ERCC8: variants seen among roughly 807,000 people sequenced by gnomAD.
ERCC8 encodes the protein ERCC excision repair 8, CSA ubiquitin ligase complex subunit, also known as DNA excision repair protein ERCC-8.
In ERCC8, 52 loss-of-function variants were observed where a neutral mutation model predicts 54.9. The observed-to-expected ratio is 0.95, with a 90% CI of 0.76 to 1.19. The LOEUF is 1.19. Ranked by LOEUF, ERCC8 falls within the 50% of genes most tolerant of loss-of-function variation. The pLI is 0.00. For synonymous variants in ERCC8, 146 were observed against 157.2 expected (o/e 0.93, Z 0.53); for missense variants, 514 against 466.1 (o/e 1.10, Z -0.95).
intron 9 of ERCC8, among the ~76,000 whole-genome samples, chr5:60,896,796 G>A (rs1748736557): frequency 6.6e-6 from 1 of 152,132 alleles, no homozygotes; most frequent in Non-Finnish European, 1.5e-5. Flanking sequence ...TCACCTTCAA[G>A]AAGGAAAGAA....
intron 2 of ERCC8, among the ~76,000 whole-genome samples, chr5:60,926,580 T>A (rs28449887): frequency 6.6e-6 from 1 of 152,254 alleles, no homozygotes; most frequent in South Asian, 2.1e-4. Flanking sequence ...TTAGTTATTT[T>A]AAAAAATATT....
chr5:60,913,814 A>C (rs1749345806), intron 4 of ERCC8, among the ~76,000 whole-genome samples: 1 of 152,112 alleles, frequency 6.6e-6, no homozygotes, highest in Admixed American at 6.5e-5. Flanking sequence ...ATTGGTTTCA[A>C]AGAACATCTT....
At chr5:60,939,215 C>T (rs755984039) in intron 1 of ERCC8, among the ~76,000 whole-genome samples, 7 of 152,166 alleles carry the variant, frequency 4.6e-5, no homozygotes, top group East Asian at 3.9e-4. Context: ...AAAAAAATTT[C>T]GCAGCCATAT....
intron 4 of ERCC8, among the ~76,000 whole-genome samples, chr5:60,910,198 T>C (rs1470451172): frequency 1.3e-5 from 2 of 152,184 alleles, no homozygotes; most frequent in Non-Finnish European, 2.9e-5. Flanking sequence ...ATCAAATTAA[T>C]GTCATCAACG....
rs567130895 is a variant in ERCC8, at chr5:60,925,703, A to G, written c.173+3161T>C. Reference sequence around the variant, plus strand: ...TTCACAGTTTGGGGTTTGTAGGGATACTTCATGACCTAGTTTGGTTGTAAG... The same window carrying G: ...TTCACAGTTTGGGGTTTGTAGGGATGCTTCATGACCTAGTTTGGTTGTAAG... On this transcript the variant is annotated intron_variant, in intron 2 of 11. Transcript: ENST00000676185. Among the ~76,000 whole-genome samples the G allele has an allele frequency of 3.3e-5, 5 of 152,286 alleles. No homozygotes were observed. In the South Asian group the frequency reaches 1.0e-3, roughly 32 times the overall value.
intron 10 of ERCC8, 56 bp downstream of exon 10, chr5:60,890,833 T>C (rs1748523023): frequency 8.0e-7 from 1 of 1,245,128 alleles, no homozygotes; most frequent in African/African-American, 1.5e-5. Flanking sequence ...CTTTTACATA[T>C]AACTGGTCTG....
At chr5:60,886,703 AAAAAATAAAAAT>A (rs537368621) in intron 11 of ERCC8, among the ~76,000 whole-genome samples, 4,114 of 142,730 alleles carry the variant, frequency 0.029, 130 homozygotes, top group African/African-American at 0.079. Flanking sequence ...CTCCATCTCA[AAAAAATAAAAAT>A]AAAAATAAAA....
intron 11 of ERCC8, among the ~76,000 whole-genome samples, chr5:60,882,016 T>C (rs972816992): frequency 1.3e-5 from 2 of 152,194 alleles, no homozygotes. Context: ...TAGTTTTTTG[T>C]ATTTTTAGTA....
chr5:60,880,924 G>A (rs1218282936), intron 11 of ERCC8, among the ~76,000 whole-genome samples: 2 of 152,170 alleles, frequency 1.3e-5, no homozygotes, highest in African/African-American at 2.4e-5. Context: ...CGTTCCTTTG[G>A]AGGAGGAGAG....
chr5:60,889,831 C>T (rs1410338172), intron 10 of ERCC8, among the ~76,000 whole-genome samples: 2 of 152,134 alleles, frequency 1.3e-5, no homozygotes, highest in African/African-American at 4.8e-5. Flanking sequence ...CTGGTGCTTT[C>T]GTTTTCTTCT....
At chr5:60,921,514 C>G (rs1749599284) in intron 3 of ERCC8, among the ~76,000 whole-genome samples, 2 of 151,858 alleles carry the variant, frequency 1.3e-5, no homozygotes, top group Admixed American at 1.3e-4. Context: ...AGAGAACAGT[C>G]AGAGAAGACA....
intron 2 of ERCC8, chr5:60,924,185 C>T (rs1580032299): frequency 6.6e-6 from 1 of 152,314 alleles, no homozygotes; most frequent in East Asian, 1.9e-4. Context: ...TTTCTATTTC[C>T]CATTGCTCTT....
rs1390519535 is a variant in ERCC8 at position 60,873,200 on chromosome 5, G to A, written c.*1415C>T. ...AAAATGGTAACCATGTGAGGCATAT[G>A]TCAGTTAGCTAGATTTAGTCATTCT... On this transcript the variant is annotated 3_prime_UTR_variant, in exon 12 of 12. Transcript: ENST00000676185. Among the ~76,000 whole-genome samples, 1 of 152,176 alleles carries A rather than the reference G, an allele frequency of 6.6e-6. No individual in the cohort carries two copies. The highest frequency in any genetic ancestry group is 1.5e-5 in the Non-Finnish European group (1 of 68,026).
Position 60,918,434 on chromosome 5 carries a change from T to G in ERCC8, c.276-46A>C, listed in dbSNP as rs770769052. On this transcript the variant is annotated intron_variant, in intron 3 of 11. Transcript: ENST00000676185. ...TTTACATTAACTGACTTATGTGAGT[T>G]TCAAAACTGGTACTATATTAAGAAC... is the stretch of plus-strand genomic sequence containing the variant. The G allele has an allele frequency of 4.3e-5, 67 of 1,559,024 alleles. No individual in the cohort carries two copies. The South Asian group carries it at 7.4e-4, about 17-fold the overall frequency.
chr5:60,898,533 C>T, intron 8 of ERCC8, 133 bp from the exon 9 acceptor site: 1 of 909,914 alleles, frequency 1.1e-6, no homozygotes. Context: ...TATACTTAAC[C>T]AACCCTTCAG....
chr5:60,887,698 T>C lies in ERCC8; in HGVS notation c.1042-178A>G, dbSNP rs1430054138. 5.3e-5 allele frequency among the ~76,000 whole-genome samples: 8 copies of C among 152,230 alleles called. 1 individual carries two copies. The highest frequency in any genetic ancestry group is 1.5e-5 in the Non-Finnish European group (1 of 68,034). On this transcript the variant is annotated intron_variant, in intron 10 of 11. Coordinates refer to ENST00000676185, the MANE Select transcript of ERCC8 (RefSeq NM_000082.4). ...GTTTCTTTGTTAGTAAAGCTTTGTT[T>C]TGTATTTAAAAATAGTATTAGGATT...
intron 5 of ERCC8, 32 bp from the exon 6 acceptor site, chr5:60,903,748 T>C: frequency 6.2e-7 from 1 of 1,604,380 alleles, no homozygotes; most frequent in Non-Finnish European, 8.5e-7. Flanking sequence ...AAGATAATTT[T>C]ATCATAAGTC....
chr5:60,925,295 G>A (rs956222602), intron 2 of ERCC8, among the ~76,000 whole-genome samples: 19 of 151,846 alleles, frequency 1.3e-4, no homozygotes, highest in African/African-American at 3.4e-4. Context: ...CAATTTTATC[G>A]GGGACATCTT....
intron 4 of ERCC8, among the ~76,000 whole-genome samples, chr5:60,909,243 G>GAAAAAAAACAAAAA (rs1749174529): frequency 5.0e-5 from 1 of 19,934 alleles, no homozygotes; most frequent in Non-Finnish European, 8.9e-5. Flanking sequence ...GCCCTATTCT[G>GAAAAAAAACAAAAA]AAAAAAAAAA....
Sources: gnomAD v4.1 joint callset for allele counts (sites outside exome capture counted in the v4.1 genomes callset) on GRCh38, gnomAD v4.1.1 for gene constraint, MANE v1.5 for transcripts, NCBI Gene and HGNC (gene_info 2026-07-23, HGNC 2026-07-21) for gene names.